The following LTBP1 variants were observed in gnomAD, a reference collection of about 807,000 sequenced individuals.
LTBP1 encodes the protein latent transforming growth factor beta binding protein 1.
Under a neutral mutation model 207.6 loss-of-function variants are expected in LTBP1, and 129 were observed. The observed-to-expected ratio is 0.62, with a 90% CI of 0.54 to 0.72. The LOEUF is 0.72. Among genes scored for constraint, LTBP1 ranks in the 30% least tolerant of loss-of-function variants. LTBP1 has a pLI of 0.00. For synonymous variants in LTBP1, 963 were observed against 833.7 expected, an observed-to-expected ratio of 1.16 and a Z score of -2.67; for missense variants, 2,281 against 2,217.2, an observed-to-expected ratio of 1.03 and a Z score of -0.58.
At chr2:33,232,154 G>T (rs936513588) in intron 9 of LTBP1, among the ~76,000 whole-genome samples, 9 of 152,142 alleles carry the variant, frequency 5.9e-5, no homozygotes, top group Admixed American at 3.3e-4. Context: ...TCTTGCTGAA[G>T]GCAGATCAGG....
intron 3 of LTBP1, among the ~76,000 whole-genome samples, chr2:33,105,602 T>G (rs1430355572): frequency 6.6e-6 from 1 of 152,060 alleles, no homozygotes; most frequent in African/African-American, 2.4e-5. Flanking sequence ...CTGGCTAATT[T>G]TTGTATTTTT....
At chr2:33,093,075 AG>A (rs763573378) in intron 3 of LTBP1, among the ~76,000 whole-genome samples, 5 of 152,214 alleles carry the variant, frequency 3.3e-5, no homozygotes, top group African/African-American at 4.8e-5. Context: ...CCACTCTATT[AG>A]AAGACCATGT....
intron 5 of LTBP1, among the ~76,000 whole-genome samples, chr2:33,175,549 G>C (rs1209951405): frequency 6.6e-6 from 1 of 152,230 alleles, no homozygotes; most frequent in African/African-American, 2.4e-5. Flanking sequence ...CTTTTACACT[G>C]TTGGTGGGAC....
At chr2:32,984,232 G>C (rs1189724049) in intron 2 of LTBP1, among the ~76,000 whole-genome samples, 1 of 152,164 alleles carries the variant, frequency 6.6e-6, no homozygotes, top group African/African-American at 2.4e-5. Context: ...CCACTTTATT[G>C]CTAGTGATCA....
At chr2:33,139,300 G>A (rs890699776) in intron 5 of LTBP1, among the ~76,000 whole-genome samples, 7 of 152,148 alleles carry the variant, frequency 4.6e-5, no homozygotes, top group African/African-American at 1.7e-4. Context: ...TTATCCTAGA[G>A]TCACAATACC....
chr2:33,235,713 C>G (rs928574355), intron 9 of LTBP1, among the ~76,000 whole-genome samples: 1 of 152,208 alleles, frequency 6.6e-6, no homozygotes, highest in African/African-American at 2.4e-5. Flanking sequence ...CCATGGAATA[C>G]TATGCAGCCA....
intron 19 of LTBP1, among the ~76,000 whole-genome samples, chr2:33,286,420 C>G (rs1002146492): frequency 6.6e-6 from 1 of 152,202 alleles, no homozygotes; most frequent in African/African-American, 2.4e-5. Context: ...TTTGAAGATT[C>G]AGTGTTAACT....
At chr2:33,254,862 T>TGTTGTTG (rs1558893337) in intron 11 of LTBP1, among the ~76,000 whole-genome samples, 11 of 101,778 alleles carry the variant, frequency 1.1e-4, no homozygotes, top group African/African-American at 4.7e-4. Flanking sequence ...GTTTTTTTTT[T>TGTTGTTG]TTTTTTTTTT....
At chr2:33,111,651 G>A (rs2080409998) in intron 4 of LTBP1, among the ~76,000 whole-genome samples, 1 of 152,168 alleles carries the variant, frequency 6.6e-6, no homozygotes, top group African/African-American at 2.4e-5. Context: ...CCCCGTTTCT[G>A]TACTGAATCT....
At chr2:33,210,181 G>A (rs1052773713) in intron 7 of LTBP1, among the ~76,000 whole-genome samples, 1 of 152,222 alleles carries the variant, frequency 6.6e-6, no homozygotes, top group South Asian at 2.1e-4. Context: ...TTTGTGTTCA[G>A]AAGTCTTTTT....
intron 9 of LTBP1, among the ~76,000 whole-genome samples, chr2:33,228,234 GAAAT>G (rs2091564359): frequency 6.6e-6 from 1 of 152,250 alleles, no homozygotes; most frequent in South Asian, 2.1e-4. Flanking sequence ...TATAAAGAGG[GAAAT>G]AAATAATGAA....
intron 7 of LTBP1, among the ~76,000 whole-genome samples, chr2:33,202,583 A>G (rs2089432187): frequency 6.6e-6 from 1 of 152,244 alleles, no homozygotes; most frequent in African/African-American, 2.4e-5. Context: ...GAATTATTGT[A>G]ACACTTTTCA....
chr2:33,243,004 C>G (rs2092387758), intron 9 of LTBP1, among the ~76,000 whole-genome samples: 1 of 152,122 alleles, frequency 6.6e-6, no homozygotes, highest in Non-Finnish European at 1.5e-5. Flanking sequence ...AGTGGTTTGA[C>G]TCATCATTTC....
At chr2:33,199,654 G>T (rs1385649715) in intron 7 of LTBP1, among the ~76,000 whole-genome samples, 1 of 152,130 alleles carries the variant, frequency 6.6e-6, no homozygotes, top group African/African-American at 2.4e-5. Context: ...GAAATAAAGG[G>T]TATTCAGTTA....
chr2:32,960,286 G>C (rs1220332208), intron 2 of LTBP1, among the ~76,000 whole-genome samples: 1 of 152,100 alleles, frequency 6.6e-6, no homozygotes, highest in Non-Finnish European at 1.5e-5. Context: ...TTGCATCACA[G>C]ACATTTATGT....
chr2:33,282,680 A>C (rs567469811), intron 19 of LTBP1, among the ~76,000 whole-genome samples: 4 of 152,202 alleles, frequency 2.6e-5, no homozygotes, highest in Admixed American at 2.6e-4. Context: ...TGAGCTCATC[A>C]CTAACATAAC....
chr2:33,233,511 T>A (rs1389975251), intron 9 of LTBP1, among the ~76,000 whole-genome samples: 1 of 152,174 alleles, frequency 6.6e-6, no homozygotes. Context: ...TGTGTTCAAA[T>A]CATTGGCTTC....
intron 2 of LTBP1, among the ~76,000 whole-genome samples, chr2:32,973,536 A>C (rs576205729): frequency 1.2e-4 from 18 of 152,136 alleles, no homozygotes; most frequent in Admixed American, 3.9e-4. Context: ...AAAAAAGCAC[A>C]TCATGGAGAT....
At chr2:33,145,821 AT>A (rs2082985140) in intron 5 of LTBP1, among the ~76,000 whole-genome samples, 1 of 152,172 alleles carries the variant, frequency 6.6e-6, no homozygotes, top group Admixed American at 6.5e-5. Flanking sequence ...GTATTATACC[AT>A]TTTCCAAAAA....
Sources: gnomAD v4.1 joint callset for allele counts (sites outside exome capture counted in the v4.1 genomes callset) on GRCh38, gnomAD v4.1.1 for gene constraint, MANE v1.5 for transcripts, NCBI Gene and HGNC (gene_info 2026-07-23, HGNC 2026-07-21) for gene names.